XIRP2: variants seen among roughly 807,000 people sequenced by gnomAD.
XIRP2 encodes the protein xin actin-binding repeat-containing protein 2.
A neutral mutation model predicts 277.0 loss-of-function variants in XIRP2; 236 were observed. The ratio of observed to expected loss-of-function variants is 0.85; its 90% CI spans 0.77 to 0.95. The LOEUF (loss-of-function observed/expected upper bound fraction) is 0.95. Ranked by LOEUF, XIRP2 falls within the 40% of genes least tolerant of loss-of-function variation. The pLI is 0.00. For synonymous variants in XIRP2, 1,490 were observed against 1,416.5 expected, an observed-to-expected ratio of 1.05 and a Z score of -1.17; for missense variants, 4,640 against 4,157.5, an observed-to-expected ratio of 1.12 and a Z score of -3.19.
chr2:167,046,125 T>C (rs1171768159), intron 2 of XIRP2, among the ~76,000 whole-genome samples: 1 of 152,108 alleles, frequency 6.6e-6, no homozygotes, highest in Admixed American at 6.6e-5. Flanking sequence ...GTGGCTATTA[T>C]GCATGGAATT....
chr2:167,088,827 C>T (rs1690048493), intron 2 of XIRP2, among the ~76,000 whole-genome samples: 1 of 152,148 alleles, frequency 6.6e-6, no homozygotes, highest in South Asian at 2.1e-4. Flanking sequence ...TTATACTTCA[C>T]ATTTTCTCAG....
At chr2:167,086,440 G>C (rs895566799) in intron 2 of XIRP2, among the ~76,000 whole-genome samples, 2 of 151,962 alleles carry the variant, frequency 1.3e-5, no homozygotes, top group Non-Finnish European at 2.9e-5. Flanking sequence ...CTCTTCTCAA[G>C]GAGTATCTTT....
chr2:166,960,896 G>T (rs1686281646), intron 2 of XIRP2, among the ~76,000 whole-genome samples: 1 of 151,756 alleles, frequency 6.6e-6, no homozygotes, highest in Non-Finnish European at 1.5e-5. Flanking sequence ...GTCCAGGCGT[G>T]TATTAAACTC....
At chr2:167,111,701 A>T (rs1172269268) in intron 2 of XIRP2, among the ~76,000 whole-genome samples, 1 of 152,070 alleles carries the variant, frequency 6.6e-6, no homozygotes, top group Non-Finnish European at 1.5e-5. Context: ...GGAGTTTGGG[A>T]GGAATCTCTC....
intron 5 of XIRP2, among the ~76,000 whole-genome samples, chr2:167,229,651 G>T (rs1694698428): frequency 6.6e-6 from 1 of 152,046 alleles, no homozygotes; most frequent in South Asian, 2.1e-4. Context: ...CTTTGAAAAT[G>T]ATTGGATTGA....
chr2:166,961,742 A>G (rs1404876545), intron 2 of XIRP2, among the ~76,000 whole-genome samples: 2 of 151,702 alleles, frequency 1.3e-5, no homozygotes, highest in African/African-American at 4.8e-5. Flanking sequence ...TTAAAATTAT[A>G]TTTTTTACCT....
Position 167,250,924 on chromosome 2 carries a change from C to T in XIRP2, c.9532C>T (p.Arg3178Cys). 1.9e-6 allele frequency: 3 copies of T among 1,613,478 alleles called. No homozygotes were observed. The highest frequency in any genetic ancestry group is 2.5e-6 in the Non-Finnish European group (3 of 1,179,696). The part of the protein sequence containing the change: ...ANTSPSPPRS[R>C]SEQLVRLKDT... ...CACTTCCCCTTCTCCACCCAGGAGT[C>T]GCTCTGAACAACTTGTCAGACTCAA... The change falls in exon 9 of 11, where the codon CGC becomes TGC. Residue 3178 changes from arginine to cysteine, a missense_variant. Arg to Cys is a radical substitution (Grantham distance 180, BLOSUM62 -3). Transcript: ENST00000409195.
At chr2:167,196,601 A>C (rs1449024492) in intron 3 of XIRP2, among the ~76,000 whole-genome samples, 2 of 152,010 alleles carry the variant, frequency 1.3e-5, no homozygotes, top group African/African-American at 4.8e-5. Context: ...TGTAACGGCA[A>C]CCTAGTGTCA....
intron 2 of XIRP2, among the ~76,000 whole-genome samples, chr2:167,083,625 A>T (rs1330280941): frequency 6.6e-6 from 1 of 152,160 alleles, no homozygotes; most frequent in Admixed American, 6.5e-5. Context: ...TTCCTTGAGC[A>T]GTGGTTTGTA....
chr2:167,013,162 C>A (rs536319197), intron 2 of XIRP2, among the ~76,000 whole-genome samples: 20 of 151,068 alleles, frequency 1.3e-4, no homozygotes, highest in Non-Finnish European at 2.7e-4. Context: ...TTTCTCTTTG[C>A]CTTTATTTTA....
chr2:167,067,381 A>G (rs1184663577), intron 2 of XIRP2, among the ~76,000 whole-genome samples: 2 of 151,904 alleles, frequency 1.3e-5, no homozygotes, highest in Non-Finnish European at 2.9e-5. Context: ...AGAATTTTCT[A>G]TTTTTTCTCC....
chr2:167,234,693 A>C (rs934562456), intron 5 of XIRP2, among the ~76,000 whole-genome samples: 3 of 151,864 alleles, frequency 2.0e-5, no homozygotes, highest in Non-Finnish European at 4.4e-5. Context: ...TATTGAATTA[A>C]GTAAAACTGG....
At chr2:167,108,302 G>T (rs1253213239) in intron 2 of XIRP2, among the ~76,000 whole-genome samples, 5 of 151,464 alleles carry the variant, frequency 3.3e-5, no homozygotes, top group African/African-American at 4.8e-5. Context: ...TAGCTTTTTT[G>T]TTTCATTGTT....
At chr2:166,928,712 T>C (rs1381747858) in intron 2 of XIRP2, among the ~76,000 whole-genome samples, 3 of 152,116 alleles carry the variant, frequency 2.0e-5, no homozygotes, top group Non-Finnish European at 4.4e-5. Flanking sequence ...TGCAACTGGC[T>C]GTCTTTAAAT....
rs140049736 is a variant in XIRP2, at chr2:166,953,627, A to G, written c.408+49737A>G. The stretch of plus-strand genomic sequence containing the variant: ...GATCAAAATGGCCATGCTCTGGATT[A>G]GTTAGTCTGGACTTGCCTTTGAATA... On this transcript the variant is annotated intron_variant, in intron 2 of 10. Coordinates refer to ENST00000409195, the MANE Select transcript of XIRP2 (RefSeq NM_152381.6). Among the ~76,000 whole-genome samples the G allele has an allele frequency of 2.7e-3, 414 of 152,074 alleles. 1 individual carries two copies. In the Middle Eastern group the frequency reaches 0.044, roughly 16 times the overall value.
chr2:167,112,999 G>C (rs1197141470), intron 2 of XIRP2, among the ~76,000 whole-genome samples: 1 of 151,940 alleles, frequency 6.6e-6, no homozygotes, highest in African/African-American at 2.4e-5. Context: ...AGTTTGGTTG[G>C]TATGATTTTG....
chr2:167,016,991 G>T (rs1000818184), intron 2 of XIRP2, among the ~76,000 whole-genome samples: 8 of 152,104 alleles, frequency 5.3e-5, no homozygotes, highest in Admixed American at 1.3e-4. Context: ...CTGCAGGGTA[G>T]CAGCTTGGTC....
intron 2 of XIRP2, among the ~76,000 whole-genome samples, chr2:166,940,380 G>C (rs995934718): frequency 3.9e-5 from 6 of 152,116 alleles, no homozygotes; most frequent in Non-Finnish European, 1.5e-5. Context: ...GCCTCTTTGC[G>C]ATGGGTTTGA....
intron 2 of XIRP2, among the ~76,000 whole-genome samples, chr2:167,097,536 G>A (rs67208906): frequency 6.6e-6 from 1 of 151,860 alleles, no homozygotes; most frequent in Non-Finnish European, 1.5e-5. Flanking sequence ...TTTAACTGGG[G>A]CATTTAACCC....
Sources: gnomAD v4.1 joint callset for allele counts (sites outside exome capture counted in the v4.1 genomes callset) on GRCh38, gnomAD v4.1.1 for gene constraint, MANE v1.5 for transcripts, NCBI Gene and HGNC (gene_info 2026-07-23, HGNC 2026-07-21) for gene names.